Variants in RSRC1 observed in about 807,000 individuals in gnomAD.
The protein encoded by RSRC1 is arginine and serine rich coiled-coil 1.
In RSRC1, 39 loss-of-function variants were observed where a neutral mutation model predicts 49.1. The observed-to-expected ratio is 0.79, with a 90% CI of 0.61 to 1.04. The LOEUF is 1.04. Among genes scored for constraint, RSRC1 ranks in the 50% least tolerant of loss-of-function variants. The pLI is 0.00. For synonymous variants in RSRC1, 143 were observed against 130.8 expected (o/e 1.09, Z -0.63); for missense variants, 388 against 402.4 (o/e 0.96, Z 0.31).
intron 6 of RSRC1, among the ~76,000 whole-genome samples, chr3:158,365,600 G>A (rs2108259033): frequency 6.6e-6 from 1 of 152,232 alleles, no homozygotes; most frequent in South Asian, 2.1e-4. Flanking sequence ...CAGTGCTGCA[G>A]TAAACATACA....
intron 7 of RSRC1, among the ~76,000 whole-genome samples, chr3:158,484,235 G>A (rs910563582): frequency 6.6e-6 from 1 of 152,074 alleles, no homozygotes. Flanking sequence ...AGAAATCAGG[G>A]CTACAAATGT....
intron 3 of RSRC1, among the ~76,000 whole-genome samples, chr3:158,134,793 C>G (rs749298839): frequency 6.6e-6 from 1 of 152,128 alleles, no homozygotes; most frequent in Admixed American, 6.6e-5. Context: ...ATTCAATTAA[C>G]TTTTAATTAT....
intron 3 of RSRC1, among the ~76,000 whole-genome samples, chr3:158,160,193 T>A (rs1559923834): frequency 6.6e-6 from 1 of 152,168 alleles, no homozygotes; most frequent in Non-Finnish European, 1.5e-5. Flanking sequence ...AGATGAATGA[T>A]TGTGTCTGTG....
At chr3:158,146,911 A>C (rs887355170) in intron 3 of RSRC1, among the ~76,000 whole-genome samples, 1 of 152,094 alleles carries the variant, frequency 6.6e-6, no homozygotes, top group African/African-American at 2.4e-5. Context: ...TTTCTAGCTA[A>C]GATTGGCTTT....
intron 6 of RSRC1, among the ~76,000 whole-genome samples, chr3:158,445,663 C>T (rs1299979723): frequency 2.0e-5 from 3 of 151,780 alleles, no homozygotes; most frequent in East Asian, 3.9e-4. Context: ...ACAACAACAA[C>T]GAAAAAAACG....
At chr3:158,518,499 TAA>T (rs375940982) in intron 7 of RSRC1, among the ~76,000 whole-genome samples, 1 of 151,544 alleles carries the variant, frequency 6.6e-6, no homozygotes, top group African/African-American at 2.4e-5. Context: ...ATTTGATTTT[TAA>T]AAATATTTAA....
chr3:158,239,659 C>T (rs1723454659), intron 4 of RSRC1, among the ~76,000 whole-genome samples: 1 of 151,964 alleles, frequency 6.6e-6, no homozygotes, highest in Non-Finnish European at 1.5e-5. Context: ...ACCAACATGG[C>T]ACATGTATGC....
intron 7 of RSRC1, among the ~76,000 whole-genome samples, chr3:158,462,800 C>T (rs1737684477): frequency 6.6e-6 from 1 of 151,910 alleles, no homozygotes; most frequent in South Asian, 2.1e-4. Context: ...TTAATTTAGA[C>T]TTTTCACTAA....
intron 6 of RSRC1, among the ~76,000 whole-genome samples, chr3:158,405,629 T>C (rs1030970364): frequency 6.6e-6 from 1 of 152,132 alleles, no homozygotes; most frequent in African/African-American, 2.4e-5. Context: ...AGTAGCAGAT[T>C]GAAGTGGTTT....
intron 3 of RSRC1, among the ~76,000 whole-genome samples, chr3:158,145,437 G>A (rs1717025499): frequency 6.6e-6 from 1 of 152,176 alleles, no homozygotes; most frequent in African/African-American, 2.4e-5. Context: ...AGATCAGATA[G>A]TTGTAGATAT....
chr3:158,287,999 G>T (rs1244908263), intron 4 of RSRC1, among the ~76,000 whole-genome samples: 1 of 152,132 alleles, frequency 6.6e-6, no homozygotes, highest in East Asian at 1.9e-4. Context: ...CGGGGCATAT[G>T]GCTTTTAGCT....
chr3:158,293,300 G>C (rs560805639), intron 4 of RSRC1, among the ~76,000 whole-genome samples: 1 of 151,754 alleles, frequency 6.6e-6, no homozygotes, highest in Non-Finnish European at 1.5e-5. Context: ...ATATGTGTAC[G>C]TACGTACATA....
At chr3:158,537,056 C>T (rs1712750814) in intron 7 of RSRC1, 36 bp from the exon 8 acceptor site, 1 of 1,405,994 alleles carries the variant, frequency 7.1e-7, no homozygotes, top group African/African-American at 1.4e-5. Flanking sequence ...AACATGCTTA[C>T]ACCAAAATAC....
chr3:158,124,938 C>G (rs952467440), intron 3 of RSRC1, among the ~76,000 whole-genome samples: 5 of 151,430 alleles, frequency 3.3e-5, no homozygotes, highest in Admixed American at 2.0e-4. Context: ...ACCTCAGTCT[C>G]CTAAGTGGCT....
At chr3:158,150,194 A>G (rs1408363693) in intron 3 of RSRC1, among the ~76,000 whole-genome samples, 3 of 152,264 alleles carry the variant, frequency 2.0e-5, no homozygotes, top group Non-Finnish European at 4.4e-5. Context: ...AGGATATGAT[A>G]GATTAAAGGC....
intron 7 of RSRC1, among the ~76,000 whole-genome samples, chr3:158,468,778 T>C (rs1737999622): frequency 6.6e-6 from 1 of 152,176 alleles, no homozygotes; most frequent in Non-Finnish European, 1.5e-5. Flanking sequence ...TGAGATTCTC[T>C]TTCTTTCTTA....
chr3:158,458,413 C>T (rs954343160), intron 6 of RSRC1, among the ~76,000 whole-genome samples: 1 of 151,988 alleles, frequency 6.6e-6, no homozygotes, highest in African/African-American at 2.4e-5. Context: ...GCAAAAACTG[C>T]AATTACTAAA....
chr3:158,540,483 T>A (rs985361910), intron 8 of RSRC1, among the ~76,000 whole-genome samples: 21 of 152,092 alleles, frequency 1.4e-4, no homozygotes, highest in Admixed American at 6.6e-5. Flanking sequence ...TATCTACCCC[T>A]TTTGTCCATG....
At chr3:158,123,716 G>T in intron 2 of RSRC1, 150 bp from the exon 3 acceptor site, 2 of 632,916 alleles carry the variant, frequency 3.2e-6, no homozygotes. Flanking sequence ...GACTGTTCAA[G>T]AGAAATAACA....
Sources: allele counts gnomAD v4.1 joint callset (sites outside exome capture counted in the v4.1 genomes callset), GRCh38; gene constraint gnomAD v4.1.1; transcripts MANE v1.5; gene names NCBI Gene and HGNC (gene_info 2026-07-23, HGNC 2026-07-21).